Variants in NELL2 observed in about 807,000 individuals in gnomAD.
The protein encoded by NELL2 is neural EGFL like 2.
A neutral mutation model predicts 109.6 loss-of-function variants in NELL2; 41 were observed. The ratio of observed to expected loss-of-function variants is 0.37; its 90% confidence interval spans 0.29 to 0.49. NELL2 has a LOEUF of 0.49. Ranked by LOEUF, NELL2 falls within the 20% of genes least tolerant of loss-of-function variation. The pLI is 0.98. For missense variants in NELL2, 900 were observed against 1,008.3 expected, an observed-to-expected ratio of 0.89 and a Z score of 1.45; for synonymous variants, 355 against 344.7, an observed-to-expected ratio of 1.03 and a Z score of -0.33.
intron 13 of NELL2, among the ~76,000 whole-genome samples, chr12:44,637,481 T>C (rs1220594072): frequency 1.4e-5 from 2 of 140,178 alleles, no homozygotes; most frequent in Non-Finnish European, 3.1e-5. Flanking sequence ...CAGTAGGTGT[T>C]ATGAAAGAAA....
chr12:44,808,069 C>G (rs1943061236), intron 3 of NELL2, among the ~76,000 whole-genome samples: 1 of 152,014 alleles, frequency 6.6e-6, no homozygotes, highest in African/African-American at 2.4e-5. Flanking sequence ...GCATCCCCAT[C>G]TAGGAGGAAA....
chr12:44,866,137 C>A (rs1944993150), intron 2 of NELL2, among the ~76,000 whole-genome samples: 1 of 152,196 alleles, frequency 6.6e-6, no homozygotes, highest in East Asian at 1.9e-4. Context: ...AAGGTGTAAT[C>A]TATGAGGAAT....
At chr12:44,615,645 T>C (rs1032211835) in intron 13 of NELL2, among the ~76,000 whole-genome samples, 3 of 152,148 alleles carry the variant, frequency 2.0e-5, no homozygotes, top group Non-Finnish European at 4.4e-5. Flanking sequence ...TGTTCTTCTT[T>C]ATAATTATCC....
At chr12:44,664,772 T>C (rs1947867238) in intron 13 of NELL2, among the ~76,000 whole-genome samples, 1 of 152,170 alleles carries the variant, frequency 6.6e-6, no homozygotes, top group Non-Finnish European at 1.5e-5. Context: ...AGAAATGTTC[T>C]GTTTCACACC....
At chr12:44,854,375 A>G (rs532674035) in intron 2 of NELL2, among the ~76,000 whole-genome samples, 13 of 152,216 alleles carry the variant, frequency 8.5e-5, no homozygotes, top group Non-Finnish European at 1.6e-4. Context: ...GTAGCAAAGA[A>G]AGCATTAGAA....
At position 44,520,266 on chromosome 12, in the gene NELL2, G is replaced by A. The variant is rs545715950; in HGVS notation, c.2176-37C>T. The A allele has an allele frequency of 1.6e-4, 250 of 1,546,604 alleles. 3 individuals carry two copies. In the Middle Eastern group the frequency reaches 2.2e-3, roughly 14 times the overall value. On this transcript the variant is annotated intron_variant, in intron 18 of 19. Transcript: ENST00000429094. ...GCAGATGTGCAAGGGCAGAGGGAGA[G>A]GGAGGAGGAAATGGAGGGAGGCCAG...
chr12:44,642,298 C>T (rs1946890946), intron 13 of NELL2, among the ~76,000 whole-genome samples: 1 of 151,802 alleles, frequency 6.6e-6, no homozygotes, highest in Non-Finnish European at 1.5e-5. Flanking sequence ...ATATCAACAG[C>T]CAAAATAGAT....
rs1017601667 is a variant in NELL2, at chr12:44,776,130, T to C, written c.783A>G (p.Arg261=). The part of the protein sequence containing the change: ...TSAKLSRAEQ[R]MNRLDQCYCE... ...AATAGCACTGATCCAATCTATTCAT[T>C]CGCTGTTCAGCTCGAGACAGCTGTG... is the stretch of plus-strand genomic sequence containing the variant. The change falls in exon 8 of 20, where the codon CGA becomes CGG. Residue 261 remains arginine (R), a synonymous_variant. Coordinates refer to ENST00000429094, the MANE Select transcript of NELL2 (RefSeq NM_001145108.2). 9 of 1,613,816 alleles carry C rather than the reference T, an allele frequency of 5.6e-6. No homozygotes were observed. Among genetic ancestry groups the C allele is most frequent in the African/African-American group, 1.3e-5 (1 of 74,902 alleles).
At chr12:44,885,693 T>A (rs1945462971) in intron 1 of NELL2, among the ~76,000 whole-genome samples, 1 of 151,924 alleles carries the variant, frequency 6.6e-6, no homozygotes, top group Non-Finnish European at 1.5e-5. Flanking sequence ...ATTGTTAAGA[T>A]ATCAATTATC....
chr12:44,913,776 T>G (rs1467548980), intron 1 of NELL2: 1 of 822,950 alleles, frequency 1.2e-6, no homozygotes, highest in Non-Finnish European at 1.9e-6. Flanking sequence ...ACCTTAAAAT[T>G]AAAATGATAA....
At chr12:44,684,281 T>G (rs1196983874) in intron 12 of NELL2, among the ~76,000 whole-genome samples, 1 of 152,236 alleles carries the variant, frequency 6.6e-6, no homozygotes, top group African/African-American at 2.4e-5. Flanking sequence ...TTAACATTTT[T>G]TATTGCGTCT....
intron 2 of NELL2, among the ~76,000 whole-genome samples, chr12:44,840,561 C>T (rs1016688499): frequency 4.0e-5 from 6 of 151,450 alleles, no homozygotes; most frequent in African/African-American, 1.2e-4. Context: ...GGTGAGAACC[C>T]GGGAGGCGGA....
Position 44,876,117 on chromosome 12 carries a change from C to G in NELL2, c.-248G>C. On this transcript the variant is annotated 5_prime_UTR_variant, in exon 1 of 20. Transcript: ENST00000429094. ...CGCAGGGCCGAGGCGGCAGCGCGGC[C>G]CGGAGGGGGCCCGGAGGGAGGGGTC... is the stretch of plus-strand genomic sequence containing the variant. 7.6e-7 allele frequency: 1 copy of G among 1,317,060 alleles called. No individual in the cohort carries two copies. Among genetic ancestry groups the G allele is most frequent in the Non-Finnish European group, 9.7e-7 (1 of 1,033,316 alleles). The allele number at this position is 1,317,060 out of a possible 1,614,324, so 81.6% of individuals were successfully genotyped here. A position where few individuals can be genotyped will look rare whatever the true frequency, so the allele number is the denominator to read the frequency against.
intron 9 of NELL2, among the ~76,000 whole-genome samples, chr12:44,728,887 C>G (rs1218717814): frequency 6.6e-6 from 1 of 151,968 alleles, no homozygotes; most frequent in Non-Finnish European, 1.5e-5. Context: ...CCAAACTGTC[C>G]TTCAAAAATT....
chr12:44,850,012 T>G (rs563826672), intron 2 of NELL2, among the ~76,000 whole-genome samples: 1 of 152,288 alleles, frequency 6.6e-6, no homozygotes, highest in African/African-American at 2.4e-5. Context: ...CACATGGAAC[T>G]TTCCCTGGGA....
chr12:44,703,904 C>A (rs185576018), intron 11 of NELL2, 50 bp from the exon 12 acceptor site: 11 of 1,498,920 alleles, frequency 7.3e-6, no homozygotes, highest in South Asian at 2.5e-5. Flanking sequence ...TATGACAATG[C>A]AAATTTTTCC....
chr12:44,516,485 T>A (rs1941261740), intron 19 of NELL2, among the ~76,000 whole-genome samples: 1 of 152,156 alleles, frequency 6.6e-6, no homozygotes, highest in Non-Finnish European at 1.5e-5. Flanking sequence ...CATTAGAAAT[T>A]ATTAGGAGAA....
rs182391029 is a variant in NELL2, at chr12:44,737,973, A to G, written c.995-23232T>C. Among the ~76,000 whole-genome samples the G allele has an allele frequency of 6.6e-5, 10 of 152,326 alleles. No homozygotes were observed. The East Asian group carries it at 1.5e-3, about 23-fold the overall frequency. On this transcript the variant is annotated intron_variant, in intron 9 of 19. Transcript: ENST00000429094. ...CTGAGAGACTAAATAAGGAAGTCACAGAAACTAGTTGGTACTTGTCAAGGA... is the reference window on the plus strand; with the variant it reads ...CTGAGAGACTAAATAAGGAAGTCACGGAAACTAGTTGGTACTTGTCAAGGA...
At chr12:44,667,436 G>A (rs35051815) in intron 12 of NELL2, among the ~76,000 whole-genome samples, 25,091 of 152,116 alleles carry the variant, frequency 0.16, 2,173 homozygotes, top group East Asian at 0.21. Flanking sequence ...TGGGCAACAC[G>A]TAAATTAATG....
Sources: allele counts gnomAD v4.1 joint callset (sites outside exome capture counted in the v4.1 genomes callset), GRCh38; gene constraint gnomAD v4.1.1; transcripts MANE v1.5; gene names NCBI Gene and HGNC (gene_info 2026-07-23, HGNC 2026-07-21).